Variants in ATRNL1 observed in about 807,000 individuals in gnomAD.
ATRNL1 encodes the protein attractin-like protein 1.
ATRNL1 carries 95 observed loss-of-function variants against 182.7 expected under a neutral mutation model. The observed-to-expected ratio is 0.52, with a 90% CI of 0.44 to 0.62. The LOEUF is 0.62. Among genes scored for constraint, ATRNL1 ranks in the 20% least tolerant of loss-of-function variants. The probability of loss-of-function intolerance (pLI) is 0.00; values close to 1 mark genes in which losing one functional copy is unlikely to be tolerated. For synonymous variants in ATRNL1, 576 were observed against 568.3 expected (o/e 1.01, Z -0.19); for missense variants, 1,471 against 1,679.5 (o/e 0.88, Z 2.17).
At chr10:115,819,504 A>C (rs1242008314) in intron 27 of ATRNL1, among the ~76,000 whole-genome samples, 1 of 152,092 alleles carries the variant, frequency 6.6e-6, no homozygotes, top group African/African-American at 2.4e-5. Context: ...CACCGCTAGC[A>C]TGAGTTGTTC....
At chr10:115,938,273 GAA>G (rs1489435087) in intron 28 of ATRNL1, among the ~76,000 whole-genome samples, 1 of 152,150 alleles carries the variant, frequency 6.6e-6, no homozygotes, top group Non-Finnish European at 1.5e-5. Context: ...TTCCATTAGG[GAA>G]AACTAGAGTT....
intron 28 of ATRNL1, among the ~76,000 whole-genome samples, chr10:115,880,484 C>T (rs1340503859): frequency 1.3e-5 from 2 of 152,094 alleles, no homozygotes; most frequent in African/African-American, 4.8e-5. Context: ...AAAAATTAGC[C>T]AGGAGTGCTG....
At chr10:115,602,449 AC>A (rs1565205114) in intron 26 of ATRNL1, among the ~76,000 whole-genome samples, 80 of 151,588 alleles carry the variant, frequency 5.3e-4, no homozygotes, top group African/African-American at 1.8e-3. Context: ...ACACAAAAAA[AC>A]TCTCTGGACA....
chr10:115,833,151 C>T (rs1235258224), intron 27 of ATRNL1, among the ~76,000 whole-genome samples: 2 of 152,086 alleles, frequency 1.3e-5, no homozygotes, highest in Non-Finnish European at 2.9e-5. Flanking sequence ...AACATAGCTG[C>T]CATTCATTGA....
intron 20 of ATRNL1, among the ~76,000 whole-genome samples, chr10:115,397,691 A>G (rs1462267049): frequency 6.6e-6 from 1 of 151,984 alleles, no homozygotes; most frequent in Non-Finnish European, 1.5e-5. Flanking sequence ...GGAAAAGAAA[A>G]TAGGAAACAA....
chr10:115,488,498 T>A (rs7100508), intron 24 of ATRNL1, among the ~76,000 whole-genome samples: 63,923 of 152,092 alleles, frequency 0.42, 14,181 homozygotes, highest in Middle Eastern at 0.5. Flanking sequence ...GATTTTCTAG[T>A]TTATTTGCAT....
chr10:115,118,515 A>G (rs191334704), intron 1 of ATRNL1, among the ~76,000 whole-genome samples: 1 of 152,220 alleles, frequency 6.6e-6, no homozygotes, highest in Non-Finnish European at 1.5e-5. Context: ...TGCTGCTCAG[A>G]TGACTCATAG....
intron 28 of ATRNL1, among the ~76,000 whole-genome samples, chr10:115,858,484 A>C (rs1951237287): frequency 6.6e-6 from 1 of 152,214 alleles, no homozygotes; most frequent in South Asian, 2.1e-4. Context: ...CTGGGAGCTG[A>C]ACAATGAGAA....
At chr10:115,233,511 T>G (rs1169241898) in intron 9 of ATRNL1, among the ~76,000 whole-genome samples, 5 of 152,248 alleles carry the variant, frequency 3.3e-5, no homozygotes, top group Admixed American at 3.3e-4. Context: ...GTCTTACAGC[T>G]TTATATTTTT....
chr10:115,700,248 T>C (rs1946690118), intron 26 of ATRNL1, among the ~76,000 whole-genome samples: 1 of 151,966 alleles, frequency 6.6e-6, no homozygotes, highest in African/African-American at 2.4e-5. Flanking sequence ...TTTTAAGTTC[T>C]TTGAGAAATC....
chr10:115,708,814 T>C (rs1175421786), intron 26 of ATRNL1, among the ~76,000 whole-genome samples: 1 of 151,860 alleles, frequency 6.6e-6, no homozygotes, highest in Admixed American at 6.6e-5. Context: ...GTGGTGTATA[T>C]TACTTTGACG....
At chr10:115,888,645 T>G (rs1555110398) in intron 28 of ATRNL1, among the ~76,000 whole-genome samples, 1 of 152,244 alleles carries the variant, frequency 6.6e-6, no homozygotes, top group African/African-American at 2.4e-5. Flanking sequence ...ACTATGCATT[T>G]TTCTCTCTCT....
rs1565335061 is a variant in ATRNL1, at chr10:115,738,135, T to TG, written c.3903+10780_3903+10781insG. Among the ~76,000 whole-genome samples, 46 of 84,752 alleles carry TG rather than the reference T, an allele frequency of 5.4e-4. 2 individuals are homozygous for TG. Among genetic ancestry groups the TG allele is most frequent in the African/African-American group, 2.2e-3 (40 of 18,062 alleles). 55.6% of individuals were successfully genotyped at this position (84,752 alleles called of 152,430 possible). On this transcript the variant is annotated intron_variant, in intron 27 of 28. Coordinates refer to ENST00000355044, the MANE Select transcript of ATRNL1 (RefSeq NM_207303.4). ...GATTTAGAAGATAATGATTTTTTTT[T>TG]TTTTTTTTTTTTTTTTTTTTTGAGA...
intron 25 of ATRNL1, among the ~76,000 whole-genome samples, chr10:115,537,669 T>C (rs1274123613): frequency 5.3e-5 from 8 of 152,122 alleles, no homozygotes; most frequent in African/African-American, 1.9e-4. Flanking sequence ...GTTAATTACT[T>C]GCCTTTTTTT....
At chr10:115,528,950 A>G (rs2133737692) in intron 25 of ATRNL1, among the ~76,000 whole-genome samples, 1 of 152,104 alleles carries the variant, frequency 6.6e-6, no homozygotes, top group South Asian at 2.1e-4. Flanking sequence ...TTTGATTTCT[A>G]ACTTTATCCC....
In ATRNL1 at chr10:115,371,721, T is replaced by C. The variant is rs567498298; in HGVS notation, c.3176-22938T>C. Among the ~76,000 whole-genome samples the C allele has an allele frequency of 5.3e-5, 8 of 152,312 alleles. No individual in the cohort carries two copies. The East Asian group carries it at 1.5e-3, about 29-fold the overall frequency. On this transcript the variant is annotated intron_variant, in intron 19 of 28. Coordinates refer to ENST00000355044, the MANE Select transcript of ATRNL1 (RefSeq NM_207303.4). ...TGTCTCGGATGAGACTGTGGACTTT[T>C]CAGTTAATGCTGAAATGAGTTATGA...
intron 26 of ATRNL1, among the ~76,000 whole-genome samples, chr10:115,582,951 G>T (rs1252172851): frequency 9.5e-5 from 14 of 147,662 alleles, no homozygotes; most frequent in African/African-American, 3.4e-4. Context: ...TCCAGTTTCA[G>T]CTTTCTACAT....
chr10:115,732,929 C>T (rs1435342037), intron 27 of ATRNL1, among the ~76,000 whole-genome samples: 1 of 152,066 alleles, frequency 6.6e-6, no homozygotes, highest in Non-Finnish European at 1.5e-5. Flanking sequence ...TATAGGCTGT[C>T]TTAGTATATC....
intron 8 of ATRNL1, among the ~76,000 whole-genome samples, chr10:115,176,381 T>G (rs1225588111): frequency 3.3e-5 from 5 of 152,174 alleles, no homozygotes; most frequent in Non-Finnish European, 7.3e-5. Flanking sequence ...TCCTTGCCCA[T>G]GCCTATGTCC....
Sources: allele counts gnomAD v4.1 joint callset (sites outside exome capture counted in the v4.1 genomes callset), GRCh38; gene constraint gnomAD v4.1.1; transcripts MANE v1.5; gene names NCBI Gene and HGNC (gene_info 2026-07-23, HGNC 2026-07-21).